KNOP1: variants seen among roughly 807,000 people sequenced by gnomAD.
KNOP1 encodes the protein lysine rich nucleolar protein 1.
A neutral mutation model predicts 30.6 loss-of-function variants in KNOP1; 20 were observed. The ratio of observed to expected loss-of-function variants is 0.65; its 90% CI spans 0.46 to 0.95. The LOEUF (loss-of-function observed/expected upper bound fraction) is 0.95, where lower values mean the gene tolerates loss of function less well. KNOP1 is among the 40% of genes least tolerant of loss of function. KNOP1 has a pLI of 0.00. For missense variants in KNOP1, 540 were observed against 562.0 expected, an observed-to-expected ratio of 0.96 and a Z score of 0.40; for synonymous variants, 204 against 210.0, an observed-to-expected ratio of 0.97 and a Z score of 0.25.
At chr16:19,713,830 G>A (rs1007063064) in intron 2 of KNOP1, among the ~76,000 whole-genome samples, 12 of 152,078 alleles carry the variant, frequency 7.9e-5, no homozygotes, top group South Asian at 4.1e-4. Context: ...AGACCCCAAC[G>A]GCAGACAGGG....
In KNOP1 at chr16:19,707,151, A is replaced by G; in HGVS notation, c.1136T>C (p.Leu379Pro). The change falls in exon 5 of 5, where the codon CTT (leucine) becomes CCT (proline). Residue 379 changes from leucine to proline, a missense_variant. By Grantham distance (98) the Leu-to-Pro change is moderately conservative. Transcript: ENST00000219837. ...GGACAGGTTTTTGAAGCCACCCATAAGTCTGAGAAATTTCAGTTTTTGGTC... is the reference window on the plus strand; with the variant it reads ...GGACAGGTTTTTGAAGCCACCCATAGGTCTGAGAAATTTCAGTTTTTGGTC... ...NEDQKLKFLR[L>P]MGGFKNLSPS... The G allele has an allele frequency of 6.2e-7, 1 of 1,614,076 alleles. No homozygotes were observed. Among genetic ancestry groups the G allele is most frequent in the Non-Finnish European group, 8.5e-7 (1 of 1,180,002 alleles).
In KNOP1 at chr16:19,714,922, A is replaced by C; in HGVS notation, c.114T>G (p.Phe38Leu). 3 of 1,613,686 alleles carry C rather than the reference A, an allele frequency of 1.9e-6. No individual in the cohort carries two copies. The highest frequency in any genetic ancestry group is 2.5e-6 in the Non-Finnish European group (3 of 1,179,854). Residue 38 changes from phenylalanine (F) to leucine (L), a missense_variant, in exon 2 of 5, where the codon TTT (phenylalanine) becomes TTG (leucine). By Grantham distance (22) the Phe-to-Leu change is conservative (BLOSUM62 0). Transcript: ENST00000219837. The stretch of plus-strand genomic sequence containing the variant: ...TAGCTCTTAAAGGAGAAACATCAGC[A>C]AAGTAATCATCATTGTTTAAAACTG... ...RYSVLNNDDY[F>L]ADVSPLRATS...
chr16:19,718,014 G>A (rs1977283340), intron 1 of KNOP1, 144 bp downstream of exon 1: 2 of 1,354,256 alleles, frequency 1.5e-6, no homozygotes, highest in South Asian at 1.6e-5. Flanking sequence ...GCGGCCTCAG[G>A]CCGGAGCGGG....
At chr16:19,717,310 T>G in intron 1 of KNOP1, 1 of 985,324 alleles carries the variant, frequency 1.0e-6, no homozygotes, top group South Asian at 4.7e-5. Context: ...TTTAAATAAG[T>G]GGGCAGAGAT....
chr16:19,715,081 T>G (rs757228370), intron 1 of KNOP1, 44 bp from the exon 2 acceptor site: 10 of 1,408,770 alleles, frequency 7.1e-6, no homozygotes, highest in Non-Finnish European at 8.6e-6. Flanking sequence ...CAAGCCATCC[T>G]GTGTTCAATT....
In KNOP1 at chr16:19,714,563, G is replaced by GC; in HGVS notation, c.472dup (p.Ala158GlyfsTer16). 1.2e-6 allele frequency: 2 copies of GC among 1,614,060 alleles called. No homozygotes were observed. Among genetic ancestry groups the GC allele is most frequent in the Non-Finnish European group, 1.7e-6 (2 of 1,180,008 alleles). ...GACCGAGAAGGCTGTGGGGTCCTGG[G>GC]CCCCCTTTTTTTCCTTCTTGTGTTT... On this transcript the variant is annotated frameshift_variant, in exon 2 of 5. Transcript: ENST00000219837. LOFTEE classifies it high-confidence loss of function.
chr16:19,717,177 A>G (rs1374858129), intron 1 of KNOP1, among the ~76,000 whole-genome samples: 1 of 152,202 alleles, frequency 6.6e-6, no homozygotes, highest in Non-Finnish European at 1.5e-5. Context: ...TCTCATAGAT[A>G]GTATACACAA....
rs1185833354 is a variant in KNOP1, at chr16:19,704,453, A to G, written c.*2457T>C. 1.3e-5 allele frequency: 2 copies of G among 152,086 alleles called. No individual in the cohort carries two copies. Among genetic ancestry groups the G allele is most frequent in the East Asian group, 1.9e-4 (1 of 5,164 alleles). The allele number at this position is 152,086 out of a possible 1,614,324, so 9.4% of individuals were successfully genotyped here. A position where few individuals can be genotyped will look rare whatever the true frequency, so the allele number is the denominator to read the frequency against. ...GTGACCTCTTGGCAAGATAAAAACTATGAGTAGTAAACGGCCGATTCCAGC... is the reference window on the plus strand; with the variant it reads ...GTGACCTCTTGGCAAGATAAAAACTGTGAGTAGTAAACGGCCGATTCCAGC... On this transcript the variant is annotated 3_prime_UTR_variant, in exon 5 of 5. Coordinates refer to ENST00000219837, the MANE Select transcript of KNOP1 (RefSeq NM_001012991.3).
intron 1 of KNOP1, 33 bp downstream of exon 1, chr16:19,718,125 G>A: frequency 2.8e-6 from 4 of 1,445,016 alleles, no homozygotes; most frequent in Non-Finnish European, 3.6e-6. Flanking sequence ...CACACCCCGC[G>A]CCGGCCCGCC....
chr16:19,710,448 AG>A (rs1389889726), intron 4 of KNOP1, 60 bp downstream of exon 4: 1 of 1,539,264 alleles, frequency 6.5e-7, no homozygotes. Flanking sequence ...GCTGGAGGCG[AG>A]GGGAAGCGTC....
Position 19,714,823 on chromosome 16 carries a change from C to CTT in KNOP1, c.211_212dup (p.Lys72ArgfsTer12), listed in dbSNP as rs749043471. On this transcript the variant is annotated frameshift_variant, in exon 2 of 5. Coordinates refer to ENST00000219837, the MANE Select transcript of KNOP1 (RefSeq NM_001012991.3). LOFTEE classifies it high-confidence loss of function. ...CCTCGCAAAGGGTGCTGACACCCTT[C>CTT]TTTTTCTTCTTCTTTTTCTTCACTA... 3.2e-5 allele frequency: 52 copies of CTT among 1,613,492 alleles called. No individual in the cohort carries two copies. The highest frequency in any genetic ancestry group is 8.5e-7 in the Non-Finnish European group (1 of 1,179,808).
intron 4 of KNOP1, among the ~76,000 whole-genome samples, chr16:19,707,692 C>T (rs1976462719): frequency 1.8e-5 from 2 of 108,620 alleles, no homozygotes; most frequent in South Asian, 7.6e-4. Flanking sequence ...ACAGCACACT[C>T]CCCCACCACT....
In KNOP1 at chr16:19,707,371, G is replaced by A. The variant is rs116759429; in HGVS notation, c.1066-150C>T. The A allele has an allele frequency of 3.6e-3, 2,300 of 643,000 alleles. 36 individuals are homozygous for A. The African/African-American group carries it at 0.038, about 11-fold the overall frequency. The allele number at this position is 643,000 out of a possible 1,614,324, so 39.8% of individuals were successfully genotyped here. On this transcript the variant is annotated intron_variant, in intron 4 of 4. Transcript: ENST00000219837. ...AATAAGCTCAACAACGGATTATTCCGTTAATCCTAAAGACAGCCCTATGAG... is the reference window on the plus strand; with the variant it reads ...AATAAGCTCAACAACGGATTATTCCATTAATCCTAAAGACAGCCCTATGAG...
At chr16:19,709,237 C>G (rs1309156853) in intron 4 of KNOP1, among the ~76,000 whole-genome samples, 1 of 152,216 alleles carries the variant, frequency 6.6e-6, no homozygotes, top group East Asian at 1.9e-4. Context: ...TAGACAGTGG[C>G]AGAGCCAGTA....
rs1045348858 is a variant in KNOP1, at chr16:19,702,749, T to G, written c.*4161A>C. The G allele has an allele frequency of 6.6e-6, 1 of 151,944 alleles. No individual in the cohort carries two copies. The highest frequency in any genetic ancestry group is 1.5e-5 in the Non-Finnish European group (1 of 67,994). The allele number at this position is 151,944 out of a possible 1,614,324, so 9.4% of individuals were successfully genotyped here. On this transcript the variant is annotated 3_prime_UTR_variant, in exon 5 of 5. Transcript: ENST00000219837. ...GGCTCATGCCTGTAATACCAACACTTTGGGAGGCTGAGGTAGGTGGATCAT... is the reference window on the plus strand; with the variant it reads ...GGCTCATGCCTGTAATACCAACACTGTGGGAGGCTGAGGTAGGTGGATCAT...
intron 4 of KNOP1, among the ~76,000 whole-genome samples, chr16:19,708,829 C>T (rs1976557184): frequency 6.6e-6 from 1 of 152,158 alleles, no homozygotes; most frequent in African/African-American, 2.4e-5. Context: ...CCATCTATGA[C>T]CACCCCACAT....
chr16:19,714,417 C>G lies in KNOP1; in HGVS notation c.619G>C (p.Glu207Gln). 1 of 1,613,754 alleles carries G rather than the reference C, an allele frequency of 6.2e-7. No homozygotes were observed. The highest frequency in any genetic ancestry group is 1.3e-5 in the African/African-American group (1 of 74,908). ...TTCTTCTTCACCTTCCCATTGTGTTCTCTGGGGCTCTTCCGCTTCCGTTTC... is the reference window on the plus strand; with the variant it reads ...TTCTTCTTCACCTTCCCATTGTGTTGTCTGGGGCTCTTCCGCTTCCGTTTC... ...GQKRKRKSPR[E>Q]HNGKVKKKKK... The change falls in exon 2 of 5, where the codon GAA (glutamate) becomes CAA (glutamine). Residue 207 changes from glutamate (E) to glutamine (Q), a missense_variant. Physicochemically the swap from Glu to Gln is conservative, Grantham distance 29 (BLOSUM62 2). Coordinates refer to ENST00000219837, the MANE Select transcript of KNOP1 (RefSeq NM_001012991.3).
chr16:19,710,440 T>G, intron 4 of KNOP1, 69 bp downstream of exon 4: 1 of 1,497,026 alleles, frequency 6.7e-7, no homozygotes. Context: ...CTCCTCATGC[T>G]GGAGGCGAGG....
chr16:19,707,008 TC>T lies in KNOP1; in HGVS notation c.1278del (p.Trp426Ter), dbSNP rs779154254. 2.1e-5 allele frequency: 34 copies of T among 1,614,140 alleles called. 1 individual carries two copies. The South Asian group carries it at 3.6e-4, about 17-fold the overall frequency. On this transcript the variant is annotated frameshift_variant, in exon 5 of 5. Transcript: ENST00000219837. LOFTEE classifies it high-confidence loss of function. ...LQRDYDRAMS[W>X]KYSRGAGLGF... The stretch of plus-strand genomic sequence containing the variant: ...CCGAGGCCGGCTCCCCGGCTGTACT[TC>T]CAGCTCATGGCCCGGTCGTAGTCCC...
Sources: gnomAD v4.1 joint callset for allele counts (sites outside exome capture counted in the v4.1 genomes callset) on GRCh38, gnomAD v4.1.1 for gene constraint, MANE v1.5 for transcripts, NCBI Gene and HGNC (gene_info 2026-07-23, HGNC 2026-07-21) for gene names.